The following SEMA5A variants were observed in gnomAD, a reference collection of about 807,000 sequenced individuals.
The protein encoded by SEMA5A is semaphorin 5A.
SEMA5A carries 55 observed loss-of-function variants against 135.5 expected under a neutral mutation model. The observed-to-expected ratio is 0.41, with a 90% CI of 0.33 to 0.51. The LOEUF (loss-of-function observed/expected upper bound fraction) is 0.51. Ranked by LOEUF, SEMA5A falls within the 20% of genes least tolerant of loss-of-function variation. The probability of loss-of-function intolerance (pLI) is 0.37; values close to 1 mark genes in which losing one functional copy is unlikely to be tolerated. For synonymous variants in SEMA5A, 580 were observed against 546.5 expected (o/e 1.06, Z -0.85); for missense variants, 1,290 against 1,419.9 (o/e 0.91, Z 1.47).
At chr5:9,303,496 T>A (rs375690067) in intron 5 of SEMA5A, among the ~76,000 whole-genome samples, 1 of 152,160 alleles carries the variant, frequency 6.6e-6, no homozygotes, top group African/African-American at 2.4e-5. Context: ...AAGATACCAT[T>A]AATTTTTTTT....
At chr5:9,055,781 T>C (rs1030328770) in intron 18 of SEMA5A, among the ~76,000 whole-genome samples, 1 of 152,034 alleles carries the variant, frequency 6.6e-6, no homozygotes, top group Non-Finnish European at 1.5e-5. Flanking sequence ...AGTTATACGG[T>C]ATATCAGACA....
chr5:9,424,042 G>A (rs1377368524), intron 2 of SEMA5A, among the ~76,000 whole-genome samples: 1 of 152,166 alleles, frequency 6.6e-6, no homozygotes, highest in East Asian at 1.9e-4. Context: ...ATGTCAGAAA[G>A]TAGCAATTTG....
intron 2 of SEMA5A, among the ~76,000 whole-genome samples, chr5:9,424,893 A>T (rs1487794997): frequency 3.3e-5 from 5 of 152,112 alleles, no homozygotes; most frequent in Non-Finnish European, 7.4e-5. Context: ...TGAGAGCTTC[A>T]AGCTGGTCTT....
intron 13 of SEMA5A, among the ~76,000 whole-genome samples, chr5:9,124,738 G>A (rs1741012644): frequency 1.3e-5 from 2 of 152,178 alleles, no homozygotes; most frequent in South Asian, 4.1e-4. Flanking sequence ...TTACAGGCAT[G>A]AGCCACCATG....
intron 13 of SEMA5A, among the ~76,000 whole-genome samples, chr5:9,135,284 C>T (rs1266731085): frequency 6.6e-6 from 1 of 151,270 alleles, no homozygotes; most frequent in Non-Finnish European, 1.5e-5. Context: ...GAGTTCACGC[C>T]ATTCTCCTGC....
intron 1 of SEMA5A, among the ~76,000 whole-genome samples, chr5:9,534,291 A>G (rs938983599): frequency 6.6e-6 from 1 of 152,092 alleles, no homozygotes. Flanking sequence ...TATTCTCCCC[A>G]CTTAGGGCCA....
rs1158005661 is a variant in SEMA5A, at chr5:9,035,332, T to C, written c.*7565A>G. On this transcript the variant is annotated 3_prime_UTR_variant, in exon 23 of 23. Coordinates refer to ENST00000382496, the MANE Select transcript of SEMA5A (RefSeq NM_003966.3). Reference sequence around the variant, plus strand: ...AAGAGCAGTAAGAGAGCACAACATATTCACTTCTGTAATAATAGCTATATA... The same window carrying C: ...AAGAGCAGTAAGAGAGCACAACATACTCACTTCTGTAATAATAGCTATATA... The C allele has an allele frequency of 1.3e-5, 2 of 152,264 alleles. No homozygotes were observed. Among genetic ancestry groups the C allele is most frequent in the African/African-American group, 2.4e-5 (1 of 41,550 alleles). 9.4% of individuals were successfully genotyped at this position (152,264 alleles called of 1,614,324 possible).
intron 16 of SEMA5A, among the ~76,000 whole-genome samples, chr5:9,099,954 C>T (rs754984285): frequency 2.2e-4 from 34 of 152,244 alleles, no homozygotes; most frequent in African/African-American, 7.7e-4. Context: ...TGTCCTGTAT[C>T]TCTCTCTATG....
intron 2 of SEMA5A, among the ~76,000 whole-genome samples, chr5:9,393,629 A>AT (rs1463288299): frequency 6.6e-6 from 1 of 152,260 alleles, no homozygotes; most frequent in Non-Finnish European, 1.5e-5. Flanking sequence ...GCACTAAAAA[A>AT]TTTTGACAAT....
chr5:9,165,740 A>G (rs1743571579), intron 11 of SEMA5A, among the ~76,000 whole-genome samples: 1 of 152,256 alleles, frequency 6.6e-6, no homozygotes, highest in Admixed American at 6.5e-5. Flanking sequence ...AAGCATTATC[A>G]GCGAGGTAAT....
At chr5:9,541,892 G>T (rs183805386) in intron 1 of SEMA5A, among the ~76,000 whole-genome samples, 1 of 152,302 alleles carries the variant, frequency 6.6e-6, no homozygotes, top group African/African-American at 2.4e-5. Context: ...AGATGGCAAA[G>T]ACTGTCAATA....
intron 3 of SEMA5A, among the ~76,000 whole-genome samples, chr5:9,353,320 AAG>A: frequency 2.8e-5 from 1 of 36,278 alleles, no homozygotes; most frequent in Non-Finnish European, 7.8e-5. Flanking sequence ...AAGGGAAAGG[AAG>A]GAAAGGAAAG....
chr5:9,081,981 C>A (rs1395580140), intron 16 of SEMA5A, among the ~76,000 whole-genome samples: 1 of 152,140 alleles, frequency 6.6e-6, no homozygotes, highest in East Asian at 1.9e-4. Flanking sequence ...TCAGGAAAAA[C>A]TGAGAAGTCT....
At chr5:9,413,054 A>C (rs899408480) in intron 2 of SEMA5A, among the ~76,000 whole-genome samples, 1 of 152,200 alleles carries the variant, frequency 6.6e-6, no homozygotes, top group Admixed American at 6.5e-5. Context: ...CAGGAGACAA[A>C]ACAAAATCCT....
At chr5:9,449,118 G>A (rs868721967) in intron 1 of SEMA5A, among the ~76,000 whole-genome samples, 45 of 152,056 alleles carry the variant, frequency 3.0e-4, no homozygotes, top group African/African-American at 9.9e-4. Context: ...ACATGTACCC[G>A]TATGTTCACT....
intron 1 of SEMA5A, among the ~76,000 whole-genome samples, chr5:9,535,460 T>C (rs1401178807): frequency 2.6e-5 from 4 of 151,924 alleles, no homozygotes; most frequent in Non-Finnish European, 4.4e-5. Context: ...TTCCCAACTC[T>C]CACCTCCACT....
intron 12 of SEMA5A, among the ~76,000 whole-genome samples, chr5:9,149,333 C>T (rs1312727840): frequency 6.6e-6 from 1 of 152,146 alleles, no homozygotes; most frequent in Non-Finnish European, 1.5e-5. Context: ...ACACAGAGGC[C>T]TTAAAATGAC....
intron 7 of SEMA5A, among the ~76,000 whole-genome samples, chr5:9,225,389 TAAAAAAAAAAAAA>T (rs34806769): frequency 7.0e-5 from 3 of 43,084 alleles, no homozygotes; most frequent in Non-Finnish European, 1.2e-4. Flanking sequence ...CCATCTCTAC[TAAAAAAAAAAAAA>T]AAAAAAAAAA....
At chr5:9,371,054 C>G (rs1471666939) in intron 3 of SEMA5A, among the ~76,000 whole-genome samples, 2 of 152,104 alleles carry the variant, frequency 1.3e-5, no homozygotes, top group Admixed American at 1.3e-4. Flanking sequence ...AGTAACTTTA[C>G]AAATCCTTAT....
Sources: gnomAD v4.1 joint callset for allele counts (sites outside exome capture counted in the v4.1 genomes callset) on GRCh38, gnomAD v4.1.1 for gene constraint, MANE v1.5 for transcripts, NCBI Gene and HGNC (gene_info 2026-07-23, HGNC 2026-07-21) for gene names.